EPHA5: variants seen among roughly 807,000 people sequenced by gnomAD.
EPHA5 encodes EPH receptor A5.
Under a neutral mutation model 105.0 loss-of-function variants are expected in EPHA5, and 60 were observed. The observed-to-expected ratio is 0.57, with a 90% CI of 0.46 to 0.71. The LOEUF is 0.71. EPHA5 is among the 30% of genes least tolerant of loss of function. The pLI, the probability that EPHA5 is intolerant of heterozygous loss-of-function variation, is 0.00. For missense variants in EPHA5, 1,218 were observed against 1,274.7 expected (o/e 0.96, Z 0.68); for synonymous variants, 513 against 449.1 (o/e 1.14, Z -1.80).
At chr4:65,329,106 T>C (rs1720357729) in intron 16 of EPHA5, among the ~76,000 whole-genome samples, 1 of 151,334 alleles carries the variant, frequency 6.6e-6, no homozygotes, top group African/African-American at 2.4e-5. Context: ...TTAACTGAAA[T>C]GTTTGGATTC....
At chr4:65,406,009 T>G (rs1722322527) in intron 7 of EPHA5, among the ~76,000 whole-genome samples, 1 of 152,104 alleles carries the variant, frequency 6.6e-6, no homozygotes. Flanking sequence ...AATGCCTTAA[T>G]TCTCTAATTA....
chr4:65,436,046 C>T (rs1725448628), intron 5 of EPHA5, among the ~76,000 whole-genome samples: 2 of 151,938 alleles, frequency 1.3e-5, no homozygotes, highest in East Asian at 1.9e-4. Context: ...ATAATGATAA[C>T]AACCCTTAGT....
chr4:65,357,839 T>C (rs1401981800), intron 11 of EPHA5, among the ~76,000 whole-genome samples: 1 of 151,462 alleles, frequency 6.6e-6, no homozygotes, highest in Non-Finnish European at 1.5e-5. Context: ...GTATGTTTTT[T>C]CTACAATTAA....
At chr4:65,656,846 G>A (rs905948565) in intron 1 of EPHA5, among the ~76,000 whole-genome samples, 5 of 150,842 alleles carry the variant, frequency 3.3e-5, no homozygotes, top group Non-Finnish European at 1.5e-5. Flanking sequence ...CCATCTAGAG[G>A]AAAATTTAAT....
At chr4:65,491,793 A>T (rs1039872388) in intron 4 of EPHA5, among the ~76,000 whole-genome samples, 1 of 152,050 alleles carries the variant, frequency 6.6e-6, no homozygotes, top group East Asian at 1.9e-4. Context: ...TCTTATTTGT[A>T]TATTATTTTA....
At chr4:65,478,816 T>C (rs369416687) in intron 5 of EPHA5, among the ~76,000 whole-genome samples, 2 of 152,270 alleles carry the variant, frequency 1.3e-5, no homozygotes, top group East Asian at 1.9e-4. Context: ...TTGTTCTGGA[T>C]ATTTTATCAA....
intron 3 of EPHA5, among the ~76,000 whole-genome samples, chr4:65,520,831 T>C (rs1047734451): frequency 7.9e-5 from 12 of 152,156 alleles, no homozygotes; most frequent in African/African-American, 2.9e-4. Context: ...TGAGATACCA[T>C]CTCACACTAG....
intron 16 of EPHA5, among the ~76,000 whole-genome samples, chr4:65,329,062 A>G (rs190021510): frequency 1.1e-4 from 16 of 151,384 alleles, no homozygotes; most frequent in African/African-American, 3.6e-4. Flanking sequence ...TACTGATACG[A>G]AAATAAGTTT....
intron 5 of EPHA5, among the ~76,000 whole-genome samples, chr4:65,482,123 T>C (rs1041739883): frequency 6.6e-6 from 1 of 151,736 alleles, no homozygotes; most frequent in East Asian, 2.0e-4. Context: ...CACGGGGAAA[T>C]CATGTCTCTA....
chr4:65,440,075 G>A (rs913339944), intron 5 of EPHA5, among the ~76,000 whole-genome samples: 16 of 151,930 alleles, frequency 1.1e-4, no homozygotes, highest in Admixed American at 4.6e-4. Flanking sequence ...TGGTCTTTGA[G>A]AATGTTACTG....
intron 5 of EPHA5, among the ~76,000 whole-genome samples, chr4:65,468,601 TATTA>T (rs1347294804): frequency 7.3e-4 from 6 of 8,200 alleles, no homozygotes; most frequent in East Asian, 0.05. Context: ...ATAATATATA[TATTA>T]TATATATTAT....
chr4:65,350,991 CT>C (rs996467885), intron 13 of EPHA5, among the ~76,000 whole-genome samples: 2 of 149,480 alleles, frequency 1.3e-5, no homozygotes, highest in Middle Eastern at 3.4e-3. Context: ...TACATGTTTA[CT>C]TATTCATATA....
At chr4:65,613,649 G>A (rs1578581902) in intron 2 of EPHA5, among the ~76,000 whole-genome samples, 1 of 151,878 alleles carries the variant, frequency 6.6e-6, no homozygotes, top group Non-Finnish European at 1.5e-5. Flanking sequence ...AGAAGTAAAT[G>A]AACAGCCATA....
chr4:65,457,313 C>CAAA (rs1727695825), intron 5 of EPHA5, among the ~76,000 whole-genome samples: 1 of 150,440 alleles, frequency 6.6e-6, no homozygotes, highest in South Asian at 2.1e-4. Context: ...AACTTGGTGT[C>CAAA]CTCGCCTGTT....
intron 6 of EPHA5, among the ~76,000 whole-genome samples, chr4:65,416,429 G>A (rs547408522): frequency 2.5e-4 from 38 of 152,088 alleles, no homozygotes; most frequent in Non-Finnish European, 5.3e-4. Context: ...TACAAAATAG[G>A]TTCTATGTAG....
chr4:65,523,094 C>T (rs930929871), intron 3 of EPHA5, among the ~76,000 whole-genome samples: 6 of 151,888 alleles, frequency 4.0e-5, no homozygotes, highest in African/African-American at 1.4e-4. Flanking sequence ...AGTCACACAG[C>T]ACTGGTGGTT....
intron 2 of EPHA5, among the ~76,000 whole-genome samples, chr4:65,633,098 A>G (rs959506242): frequency 1.3e-5 from 2 of 152,030 alleles, no homozygotes; most frequent in Non-Finnish European, 2.9e-5. Context: ...CCATTAGTGC[A>G]AGCACTGAAC....
intron 8 of EPHA5, chr4:65,376,851 C>A (rs1719056485): frequency 3.6e-6 from 2 of 552,544 alleles, no homozygotes; most frequent in Admixed American, 3.4e-5. Context: ...TTGAAATAAT[C>A]CATTGTGAAA....
intron 8 of EPHA5, among the ~76,000 whole-genome samples, chr4:65,369,890 C>G (rs1006806826): frequency 2.6e-5 from 4 of 152,068 alleles, no homozygotes; most frequent in African/African-American, 9.7e-5. Flanking sequence ...TCGCTTGAAT[C>G]CAGGAGCCGG....
Sources: gnomAD v4.1 joint callset for allele counts (sites outside exome capture counted in the v4.1 genomes callset) on GRCh38, gnomAD v4.1.1 for gene constraint, MANE v1.5 for transcripts, NCBI Gene and HGNC (gene_info 2026-07-23, HGNC 2026-07-21) for gene names.